SGCD: variants seen among roughly 807,000 people sequenced by gnomAD.
SGCD encodes sarcoglycan delta.
Under a neutral mutation model 36.6 loss-of-function variants are expected in SGCD, and 18 were observed. That is an observed-to-expected ratio of 0.49 (90% confidence interval 0.34 to 0.73). The LOEUF is 0.73. Among genes scored for constraint, SGCD ranks in the 30% least tolerant of loss-of-function variants. The pLI, the probability that SGCD is intolerant of heterozygous loss-of-function variation, is 0.01. For synonymous variants in SGCD, 133 were observed against 130.6 expected (o/e 1.02, Z -0.12); for missense variants, 387 against 346.7 (o/e 1.12, Z -0.92).
At chr5:156,654,308 T>C (rs1763589555) in intron 7 of SGCD, among the ~76,000 whole-genome samples, 1 of 152,046 alleles carries the variant, frequency 6.6e-6, no homozygotes, top group African/African-American at 2.4e-5. Context: ...GGGAGAAAGT[T>C]TGTTGGGCCT....
intron 4 of SGCD, among the ~76,000 whole-genome samples, chr5:156,514,355 G>A (rs1561747592): frequency 6.6e-6 from 1 of 152,218 alleles, no homozygotes. Context: ...TACAGCAATA[G>A]GAAAGCCGTA....
At chr5:156,612,298 C>G (rs947826748) in intron 6 of SGCD, among the ~76,000 whole-genome samples, 1 of 152,146 alleles carries the variant, frequency 6.6e-6, no homozygotes, top group Non-Finnish European at 1.5e-5. Flanking sequence ...TCTGGGTGGA[C>G]CCAGTAACAT....
intron 7 of SGCD, chr5:156,738,710 G>A (rs1483241085): frequency 1.3e-5 from 2 of 152,182 alleles, no homozygotes; most frequent in Admixed American, 1.3e-4. Flanking sequence ...AGGAACAAAA[G>A]AAATCATCAG....
At chr5:156,233,200 A>G (rs1765065488) in intron 3 of SGCD, among the ~76,000 whole-genome samples, 1 of 152,262 alleles carries the variant, frequency 6.6e-6, no homozygotes, top group Non-Finnish European at 1.5e-5. Flanking sequence ...GGCTATATCC[A>G]CTGCCTTTGT....
intron 1 of SGCD, among the ~76,000 whole-genome samples, chr5:155,941,606 C>T (rs1757329075): frequency 6.6e-6 from 1 of 150,936 alleles, no homozygotes; most frequent in African/African-American, 2.4e-5. Context: ...AATTACATTG[C>T]CATTCATAAT....
intron 3 of SGCD, among the ~76,000 whole-genome samples, chr5:156,243,458 G>T (rs929014696): frequency 2.0e-5 from 3 of 152,104 alleles, no homozygotes; most frequent in Non-Finnish European, 2.9e-5. Flanking sequence ...GGAGATAGGA[G>T]TAAAAAATAT....
chr5:156,732,654 G>A (rs1756140583), intron 7 of SGCD, among the ~76,000 whole-genome samples: 1 of 151,948 alleles, frequency 6.6e-6, no homozygotes, highest in Non-Finnish European at 1.5e-5. Flanking sequence ...TTTTGTCACA[G>A]TTTCAGTAGG....
rs144967298 is a variant in SGCD, at chr5:155,941,312, G to A, written c.-282+70888G>A. Among the ~76,000 whole-genome samples, 18 of 152,210 alleles carry A rather than the reference G, an allele frequency of 1.2e-4. No individual in the cohort carries two copies. In the East Asian group the frequency reaches 3.5e-3, roughly 29 times the overall value. On this transcript the variant is annotated intron_variant, in intron 1 of 9. Transcript: ENST00000517913. ...TTAAGTTTCCAATGCATGAACTTTT[G>A]AAGATACATTTAAACTATAGCAAGG...
At chr5:155,887,944 C>T (rs985347299) in intron 1 of SGCD, among the ~76,000 whole-genome samples, 1 of 152,148 alleles carries the variant, frequency 6.6e-6, no homozygotes, top group African/African-American at 2.4e-5. Context: ...ACACTATTTC[C>T]ATTTTAAAGA....
chr5:156,089,521 C>T (rs1761187863), intron 1 of SGCD, among the ~76,000 whole-genome samples: 1 of 152,160 alleles, frequency 6.6e-6, no homozygotes, highest in Non-Finnish European at 1.5e-5. Context: ...GCTTTGGCTA[C>T]CTCTGTAACT....
In SGCD at chr5:156,088,870, G is replaced by A. The variant is rs1214062203; in HGVS notation, c.-281-29008G>A. On this transcript the variant is annotated intron_variant, in intron 1 of 9. Coordinates refer to the SGCD transcript ENST00000517913. ...AGCCTCCTCTGTGGGGTCAAGCTAG[G>A]GTGAAGCCACCTTTATTTCAGAGTG... is the stretch of plus-strand genomic sequence containing the variant. Among the ~76,000 whole-genome samples, 4 of 152,094 alleles carry A rather than the reference G, an allele frequency of 2.6e-5. No individual in the cohort carries two copies. In the East Asian group the frequency reaches 7.7e-4, roughly 29 times the overall value.
At chr5:156,647,049 G>A (rs1040686201) in intron 6 of SGCD, among the ~76,000 whole-genome samples, 8 of 152,280 alleles carry the variant, frequency 5.3e-5, no homozygotes, top group South Asian at 2.1e-4. Context: ...AACCCACTGC[G>A]TAGATGTCAT....
At chr5:156,091,039 T>C (rs193099531) in intron 1 of SGCD, among the ~76,000 whole-genome samples, 20 of 152,266 alleles carry the variant, frequency 1.3e-4, no homozygotes, top group Non-Finnish European at 1.8e-4. Flanking sequence ...TGCAAACAAT[T>C]TGTACAGTTA....
chr5:155,867,556 C>T (rs774902742), upstream of SGCD, among the ~76,000 whole-genome samples: 4 of 152,110 alleles, frequency 2.6e-5, no homozygotes, highest in Non-Finnish European at 5.9e-5. Context: ...AAGATGCATT[C>T]CCTGAGAGTG....
intron 1 of SGCD, among the ~76,000 whole-genome samples, chr5:156,000,201 G>T (rs527426433): frequency 6.6e-6 from 1 of 152,194 alleles, no homozygotes; most frequent in African/African-American, 2.4e-5. Flanking sequence ...CTGCCATTTA[G>T]TGGCTCTGTG....
chr5:156,543,318 T>A (rs567978148), intron 4 of SGCD, among the ~76,000 whole-genome samples: 118 of 152,292 alleles, frequency 7.7e-4, no homozygotes, highest in Non-Finnish European at 1.4e-3. Context: ...CTGATCTAGA[T>A]AAAGAAAGGG....
At chr5:156,071,708 T>C (rs543946091) in intron 1 of SGCD, among the ~76,000 whole-genome samples, 11 of 152,328 alleles carry the variant, frequency 7.2e-5, no homozygotes, top group Non-Finnish European at 1.3e-4. Flanking sequence ...GTCTCATTGA[T>C]CTGTCTAATG....
intron 7 of SGCD, among the ~76,000 whole-genome samples, chr5:156,736,879 C>A (rs185305380): frequency 3.0e-4 from 45 of 152,236 alleles, no homozygotes; most frequent in African/African-American, 1.0e-3. Flanking sequence ...ACATAATCCC[C>A]CAGCTAACCC....
chr5:156,325,479 C>A (rs898600765), upstream of SGCD, among the ~76,000 whole-genome samples: 2 of 152,086 alleles, frequency 1.3e-5, no homozygotes, highest in African/African-American at 4.8e-5. Context: ...TCCCATTTCA[C>A]AGATGAGGAA....
Sources: gnomAD v4.1 joint callset for allele counts (sites outside exome capture counted in the v4.1 genomes callset) on GRCh38, gnomAD v4.1.1 for gene constraint, MANE v1.5 for transcripts, NCBI Gene and HGNC (gene_info 2026-07-23, HGNC 2026-07-21) for gene names.